METAP1D: variants seen among roughly 807,000 people sequenced by gnomAD.
METAP1D encodes the protein methionine aminopeptidase 1D, mitochondrial.
A neutral mutation model predicts 40.5 loss-of-function variants in METAP1D; 31 were observed. That is an observed-to-expected ratio of 0.77 (90% CI 0.58 to 1.03). The LOEUF is 1.03. Ranked by LOEUF, METAP1D falls within the 50% of genes least tolerant of loss-of-function variation. The pLI, the probability that METAP1D is intolerant of heterozygous loss-of-function variation, is 0.00. For missense variants in METAP1D, 411 were observed against 420.7 expected, an observed-to-expected ratio of 0.98 and a Z score of 0.20; for synonymous variants, 151 against 146.4, an observed-to-expected ratio of 1.03 and a Z score of -0.22.
chr2:172,069,767 C>T (rs747027750), intron 5 of METAP1D, among the ~76,000 whole-genome samples: 16 of 152,210 alleles, frequency 1.1e-4, no homozygotes, highest in Non-Finnish European at 1.6e-4. Flanking sequence ...TAACCTGAAT[C>T]TACCTCTATA....
At chr2:172,063,999 T>C in intron 3 of METAP1D, 139 bp downstream of exon 3, 2 of 1,128,908 alleles carry the variant, frequency 1.8e-6, no homozygotes, top group Non-Finnish European at 2.3e-6. Context: ...AATTTGTTTT[T>C]AAAAATTAAG....
chr2:172,043,115 A>ATTTTT (rs1553270232), intron 1 of METAP1D, among the ~76,000 whole-genome samples: 4 of 94,594 alleles, frequency 4.2e-5, no homozygotes, highest in African/African-American at 9.2e-5. Flanking sequence ...ATATATATAT[A>ATTTTT]TATTTTTTGG....
chr2:172,055,683 C>A (rs1412630893), intron 1 of METAP1D, among the ~76,000 whole-genome samples: 1 of 152,146 alleles, frequency 6.6e-6, no homozygotes, highest in Admixed American at 6.5e-5. Flanking sequence ...CAGTATGGCA[C>A]CTTATTATCC....
chr2:172,064,863 A>C (rs947139482), intron 3 of METAP1D, among the ~76,000 whole-genome samples: 3 of 152,162 alleles, frequency 2.0e-5, no homozygotes, highest in African/African-American at 7.2e-5. Context: ...GAAATGGTTA[A>C]TTTTTAATAA....
chr2:172,056,455 AC>A (rs1431527878), intron 1 of METAP1D, among the ~76,000 whole-genome samples: 1 of 152,218 alleles, frequency 6.6e-6, no homozygotes, highest in Non-Finnish European at 1.5e-5. Context: ...CATGCATAGC[AC>A]TGTCTGATGT....
Position 172,060,739 on chromosome 2 carries a change from T to C in METAP1D, c.41-759T>C, listed in dbSNP as rs542722409. On this transcript the variant is annotated intron_variant, in intron 1 of 9. Transcript: ENST00000315796. Reference sequence around the variant, plus strand: ...TCAGTCCCCTACTGGTATTTCCTATTTGGAAACATTTGAGTTGTTTCCCAC... The same window carrying C: ...TCAGTCCCCTACTGGTATTTCCTATCTGGAAACATTTGAGTTGTTTCCCAC... 7.0e-4 allele frequency among the ~76,000 whole-genome samples: 107 copies of C among 152,338 alleles called. No homozygotes were observed. In the Middle Eastern group the frequency reaches 0.01, roughly 15 times the overall value.
At chr2:172,060,416 CAAAAA>C (rs757713609) in intron 1 of METAP1D, among the ~76,000 whole-genome samples, 3 of 60,770 alleles carry the variant, frequency 4.9e-5, no homozygotes, top group Admixed American at 1.8e-4. Context: ...GACCCTGTCT[CAAAAA>C]AAAAAAAAAA....
At chr2:172,035,736 C>A (rs1411389432) in intron 1 of METAP1D, among the ~76,000 whole-genome samples, 1 of 152,144 alleles carries the variant, frequency 6.6e-6, no homozygotes, top group Non-Finnish European at 1.5e-5. Flanking sequence ...GCATCCTCAA[C>A]CTACCAGGCT....
chr2:172,073,232 T>C (rs368708245), intron 6 of METAP1D, among the ~76,000 whole-genome samples: 1 of 152,088 alleles, frequency 6.6e-6, no homozygotes, highest in African/African-American at 2.4e-5. Context: ...ACGACTTAAC[T>C]CTTTACAAAA....
At chr2:172,073,618 C>T (rs1333969873) in intron 6 of METAP1D, among the ~76,000 whole-genome samples, 1 of 152,092 alleles carries the variant, frequency 6.6e-6, no homozygotes, top group Non-Finnish European at 1.5e-5. Context: ...TTATGTCTGC[C>T]GCTAGAAAGG....
chr2:172,070,435 T>G (rs892804529), intron 5 of METAP1D, among the ~76,000 whole-genome samples: 3 of 152,220 alleles, frequency 2.0e-5, no homozygotes, highest in Non-Finnish European at 4.4e-5. Context: ...ATCTTACTTC[T>G]TCTTGTCATT....
chr2:172,045,664 GAAAAA>G (rs35609681), intron 1 of METAP1D, among the ~76,000 whole-genome samples: 2 of 46,960 alleles, frequency 4.3e-5, no homozygotes, highest in African/African-American at 1.7e-4. Flanking sequence ...TCCGTCTCAG[GAAAAA>G]AAAAAAAAAA....
intron 1 of METAP1D, among the ~76,000 whole-genome samples, chr2:172,048,912 T>C (rs1345958340): frequency 6.6e-6 from 1 of 152,244 alleles, no homozygotes; most frequent in Admixed American, 6.5e-5. Flanking sequence ...AGCAGCCTGC[T>C]ATATACAGAT....
At chr2:172,037,385 C>G (rs996080307) in intron 1 of METAP1D, among the ~76,000 whole-genome samples, 2 of 151,812 alleles carry the variant, frequency 1.3e-5, no homozygotes, top group African/African-American at 4.8e-5. Context: ...GTCTTCCTAC[C>G]TAACAACTGC....
intron 6 of METAP1D, among the ~76,000 whole-genome samples, chr2:172,073,788 C>T (rs900953935): frequency 6.6e-6 from 1 of 152,162 alleles, no homozygotes; most frequent in African/African-American, 2.4e-5. Flanking sequence ...TCATTACAGA[C>T]CAAAGGTTTA....
At chr2:172,016,300 A>AAATATATAT (rs1553490378) in intron 1 of METAP1D, among the ~76,000 whole-genome samples, 1 of 40,060 alleles carries the variant, frequency 2.5e-5, no homozygotes, top group African/African-American at 8.6e-5. Context: ...AAAAAAAAAA[A>AAATATATAT]ATATATATAT....
intron 1 of METAP1D, among the ~76,000 whole-genome samples, chr2:172,053,752 TGTAAA>T (rs1689939929): frequency 6.6e-6 from 1 of 152,232 alleles, no homozygotes; most frequent in African/African-American, 2.4e-5. Context: ...TGTTAGCTAA[TGTAAA>T]GTAGTGCCAA....
intron 1 of METAP1D, among the ~76,000 whole-genome samples, chr2:172,029,177 GCA>G (rs1328240505): frequency 7.2e-5 from 11 of 152,212 alleles, no homozygotes; most frequent in Non-Finnish European, 1.3e-4. Flanking sequence ...GGAGGCTGAG[GCA>G]GGAGGATTGC....
At chr2:172,046,248 C>A (rs1173936086) in intron 1 of METAP1D, among the ~76,000 whole-genome samples, 1 of 151,548 alleles carries the variant, frequency 6.6e-6, no homozygotes, top group Non-Finnish European at 1.5e-5. Flanking sequence ...AATAGATTCT[C>A]TAGTTTTAGT....
Sources: allele counts gnomAD v4.1 joint callset (sites outside exome capture counted in the v4.1 genomes callset), GRCh38; gene constraint gnomAD v4.1.1; transcripts MANE v1.5; gene names NCBI Gene and HGNC (gene_info 2026-07-23, HGNC 2026-07-21).